RUBCN: variants seen among roughly 807,000 people sequenced by gnomAD.
RUBCN encodes the protein rubicon autophagy regulator.
A neutral mutation model predicts 113.2 loss-of-function variants in RUBCN; 74 were observed. That is an observed-to-expected ratio of 0.65 (90% CI 0.54 to 0.79). The LOEUF is 0.79. Ranked by LOEUF, RUBCN falls within the 30% of genes least tolerant of loss-of-function variation. The pLI is 0.00. For synonymous variants in RUBCN, 480 were observed against 490.0 expected, an observed-to-expected ratio of 0.98 and a Z score of 0.27; for missense variants, 1,109 against 1,251.7, an observed-to-expected ratio of 0.89 and a Z score of 1.72.
At chr3:197,710,484 C>T (rs913616568) in intron 2 of RUBCN, among the ~76,000 whole-genome samples, 2 of 151,710 alleles carry the variant, frequency 1.3e-5, no homozygotes, top group African/African-American at 4.8e-5. Flanking sequence ...CCTGTAATCC[C>T]AGCTATTTGG....
chr3:197,683,204 G>T lies in RUBCN; in HGVS notation c.1980+103C>A. On this transcript the variant is annotated intron_variant, in intron 13 of 19. Coordinates refer to ENST00000296343, the MANE Select transcript of RUBCN (RefSeq NM_014687.4). The surrounding 1 kb of genome is among the most constrained non-coding windows in gnomAD (Gnocchi z 4.6). ...ATGAATGGCTTCCACGAGTAAGGGGGGAACACCCAGGCTCATTCCAGACTA... is the reference window on the plus strand; with the variant it reads ...ATGAATGGCTTCCACGAGTAAGGGGTGAACACCCAGGCTCATTCCAGACTA... The T allele has an allele frequency of 7.1e-7, 1 of 1,404,766 alleles. No homozygotes were observed. The highest frequency in any genetic ancestry group is 1.0e-6 in the Non-Finnish European group (1 of 989,604). The allele number at this position is 1,404,766 out of a possible 1,614,324, so 87.0% of individuals were successfully genotyped here.
chr3:197,737,865 C>A, upstream of RUBCN, among the ~76,000 whole-genome samples: 1 of 152,082 alleles, frequency 6.6e-6, no homozygotes, highest in Non-Finnish European at 1.5e-5. Context: ...AAACGTGGGC[C>A]TAGGGTTGCC....
chr3:197,687,859 G>C (rs1232821632), intron 11 of RUBCN, among the ~76,000 whole-genome samples: 1 of 152,124 alleles, frequency 6.6e-6, no homozygotes, highest in African/African-American at 2.4e-5. Context: ...GCGTCCCCTG[G>C]CACCATCTCA....
upstream of RUBCN, among the ~76,000 whole-genome samples, chr3:197,741,583 C>A (rs1047896975): frequency 6.6e-6 from 1 of 152,146 alleles, no homozygotes; most frequent in African/African-American, 2.4e-5. Context: ...GTAATCCCAG[C>A]ACCTTGGGAG....
chr3:197,728,907 G>A (rs888800938), intron 1 of RUBCN, among the ~76,000 whole-genome samples: 1 of 152,174 alleles, frequency 6.6e-6, no homozygotes, highest in East Asian at 1.9e-4. Flanking sequence ...AGAATGGCAA[G>A]AAAGATGTGA....
At position 197,674,823 on chromosome 3, in the gene RUBCN, ACT is replaced by A. The variant is rs1227408671; in HGVS notation, c.*193_*194del. The A allele has an allele frequency of 1.8e-6, 1 of 554,502 alleles. No homozygotes were observed. Among genetic ancestry groups the A allele is most frequent in the African/African-American group, 2.0e-5 (1 of 50,976 alleles). 34.3% of individuals were successfully genotyped at this position (554,502 alleles called of 1,614,324 possible). A position where few individuals can be genotyped will look rare whatever the true frequency, so the allele number is the denominator to read the frequency against. ...GTTTACAAATTATCTGTCACCACAG[ACT>A]CTGGACCCATCAACCTGCCGACGGC... On this transcript the variant is annotated 3_prime_UTR_variant, in exon 20 of 20. Transcript: ENST00000296343.
chr3:197,686,622 C>T (rs1466303439), intron 11 of RUBCN, among the ~76,000 whole-genome samples: 1 of 152,172 alleles, frequency 6.6e-6, no homozygotes, highest in Non-Finnish European at 1.5e-5. Context: ...AAAAGCAGAC[C>T]AAGGTCTAAG....
chr3:197,736,863 G>T lies in RUBCN; in HGVS notation c.-144C>A. The stretch of plus-strand genomic sequence containing the variant: ...TGCGCTACACCCGGGCGGCGACAGC[G>T]GGAGGGACCGCCGCCTGGGCTGCGG... On this transcript the variant is annotated 5_prime_UTR_variant, in exon 1 of 20. Coordinates refer to ENST00000296343, the MANE Select transcript of RUBCN (RefSeq NM_014687.4). 1.5e-6 allele frequency: 2 copies of T among 1,378,262 alleles called. No individual in the cohort carries two copies. The highest frequency in any genetic ancestry group is 9.3e-7 in the Non-Finnish European group (1 of 1,073,640). 85.4% of individuals were successfully genotyped at this position (1,378,262 alleles called of 1,614,324 possible).
At chr3:197,743,941 G>A (rs932854240) in intron 1 of RUBCN, among the ~76,000 whole-genome samples, 1 of 151,822 alleles carries the variant, frequency 6.6e-6, no homozygotes, top group Admixed American at 6.6e-5. Context: ...TCAAGATTGC[G>A]CCACTGGACT....
In RUBCN at chr3:197,681,422, G is replaced by A. The variant is rs946009908; in HGVS notation, c.2192-55C>T. ...ATGTAACTTTCCCATCTACAAGCTG[G>A]GAAGGCAGCTCTGCTTTTCCCTTGA... On this transcript the variant is annotated intron_variant, in intron 15 of 19. Transcript: ENST00000296343. The surrounding 1 kb of genome is among the most constrained non-coding windows in gnomAD (Gnocchi z 5.5). The A allele has an allele frequency of 1.5e-5, 20 of 1,364,500 alleles. No homozygotes were observed. The Admixed American group carries it at 2.7e-4, about 18-fold the overall frequency. 84.5% of individuals were successfully genotyped at this position (1,364,500 alleles called of 1,614,324 possible).
chr3:197,740,810 G>A (rs1026000192), upstream of RUBCN, among the ~76,000 whole-genome samples: 6 of 151,844 alleles, frequency 4.0e-5, no homozygotes, highest in African/African-American at 7.3e-5. Flanking sequence ...TAGTAGAGAC[G>A]GGGTTTCATC....
At chr3:197,686,051 G>T (rs1721803142) in intron 11 of RUBCN, among the ~76,000 whole-genome samples, 1 of 151,900 alleles carries the variant, frequency 6.6e-6, no homozygotes, top group Non-Finnish European at 1.5e-5. Context: ...CATCCTGTTT[G>T]GGAGTAACAC....
intron 13 of RUBCN, 58 bp from the exon 14 acceptor site, chr3:197,682,673 G>C: frequency 1.2e-6 from 2 of 1,609,064 alleles, no homozygotes; most frequent in Non-Finnish European, 1.7e-6. Flanking sequence ...CCGTCATCTG[G>C]TGAGATGGGC....
At chr3:197,727,884 A>G (rs575247285) in intron 1 of RUBCN, among the ~76,000 whole-genome samples, 1 of 152,400 alleles carries the variant, frequency 6.6e-6, no homozygotes, top group South Asian at 2.1e-4. Context: ...AAGCAGGCAC[A>G]CAACACCACT....
Position 197,677,549 on chromosome 3 carries a change from GAA to G in RUBCN, c.2431-10_2431-9del. 1.9e-6 allele frequency: 3 copies of G among 1,613,820 alleles called. No individual in the cohort carries two copies. The South Asian group carries it at 3.3e-5, about 18-fold the overall frequency. ...CAGCTGGACCCGCAGCAGCTGAAAA[GAA>G]AGAGAGGGGGGCAGGAGTGGGAGGG... is the stretch of plus-strand genomic sequence containing the variant. On this transcript the variant is annotated splice_polypyrimidine_tract_variant and intron_variant, in intron 16 of 19. Transcript: ENST00000296343.
intron 16 of RUBCN, among the ~76,000 whole-genome samples, chr3:197,679,425 G>T (rs1720916299): frequency 7.0e-6 from 1 of 142,974 alleles, no homozygotes; most frequent in South Asian, 2.3e-4. Flanking sequence ...CGCTCTAACT[G>T]ACAACTGGCT....
At chr3:197,737,141 A>C (rs894416249), upstream of RUBCN, 4 of 226,348 alleles carry the variant, frequency 1.8e-5, no homozygotes, top group African/African-American at 9.5e-5. Flanking sequence ...CCGGCTTGCA[A>C]GCGGCGGGGG....
chr3:197,714,624 G>C (rs9812670), intron 2 of RUBCN, among the ~76,000 whole-genome samples: 17,211 of 152,082 alleles, frequency 0.11, 1,196 homozygotes, highest in African/African-American at 0.18. Flanking sequence ...ACCACCACGC[G>C]CAGCCAAGTA....
Position 197,683,306 on chromosome 3 carries a change from C to T in RUBCN, c.1980+1G>A. On this transcript the variant is annotated splice_donor_variant, in intron 13 of 19. Coordinates refer to ENST00000296343, the MANE Select transcript of RUBCN (RefSeq NM_014687.4). LOFTEE classifies it high-confidence loss of function. The surrounding 1 kb of genome is among the most constrained non-coding windows in gnomAD (Gnocchi z 4.6). ...GGTAGGAAGAAGAGCTAAGGACCTA[C>T]CTTCTGAGGGGCATCATGCTCCGGG... The T allele has an allele frequency of 2.5e-6, 4 of 1,614,170 alleles. No individual in the cohort carries two copies. The highest frequency in any genetic ancestry group is 1.7e-6 in the Non-Finnish European group (2 of 1,180,030).
Sources: gnomAD v4.1 joint callset for allele counts (sites outside exome capture counted in the v4.1 genomes callset) on GRCh38, gnomAD v4.1.1 for gene constraint, Gnocchi (gnomAD v3.1) non-coding constraint, MANE v1.5 for transcripts, NCBI Gene and HGNC (gene_info 2026-07-23, HGNC 2026-07-21) for gene names.